The following CRB1 variants were observed in gnomAD, a reference collection of about 807,000 sequenced individuals.
CRB1 encodes the protein crumbs cell polarity complex component 1.
A neutral mutation model predicts 120.0 loss-of-function variants in CRB1; 83 were observed. The observed-to-expected ratio is 0.69, with a 90% CI of 0.58 to 0.83. The LOEUF is 0.83. Ranked by LOEUF, CRB1 falls within the 40% of genes least tolerant of loss-of-function variation. The probability of loss-of-function intolerance (pLI) is 0.00; values close to 1 mark genes in which losing one functional copy is unlikely to be tolerated. For missense variants in CRB1, 1,699 were observed against 1,687.6 expected (o/e 1.01, Z -0.12); for synonymous variants, 625 against 612.5 (o/e 1.02, Z -0.30).
chr1:197,203,147 T>C, the CRB1 span, among the ~76,000 whole-genome samples: 7 of 152,150 alleles, frequency 4.6e-5, no homozygotes, highest in African/African-American at 1.7e-4. Flanking sequence ...GAAAAATATT[T>C]GATAAATTTA....
chr1:197,451,831 A>G (rs1281091946), intron 11 of CRB1, among the ~76,000 whole-genome samples: 1 of 152,210 alleles, frequency 6.6e-6, no homozygotes, highest in Non-Finnish European at 1.5e-5. Flanking sequence ...ATTCCATTAT[A>G]AATTGTAGGA....
chr1:197,408,876 A>C (rs1663552259), intron 5 of CRB1, among the ~76,000 whole-genome samples: 1 of 152,222 alleles, frequency 6.6e-6, no homozygotes, highest in Non-Finnish European at 1.5e-5. Flanking sequence ...TGTACTTTCT[A>C]CTTGTTAGTC....
chr1:197,354,516 G>C (rs1193092841), intron 4 of CRB1, among the ~76,000 whole-genome samples: 1 of 152,116 alleles, frequency 6.6e-6, no homozygotes, highest in Non-Finnish European at 1.5e-5. Context: ...CTGGCTTCAA[G>C]AGTGAAGCCG....
chr1:197,453,909 ATATATTATTGATATTAT>A (rs1666139156), intron 11 of CRB1, among the ~76,000 whole-genome samples: 1 of 35,606 alleles, frequency 2.8e-5, no homozygotes, highest in Non-Finnish European at 6.0e-5. Flanking sequence ...TATTATTAAT[ATATATTATTGATATTAT>A]TATATTATTA....
chr1:197,232,084 A>T, the CRB1 span, among the ~76,000 whole-genome samples: 1 of 152,174 alleles, frequency 6.6e-6, no homozygotes, highest in South Asian at 2.1e-4. Flanking sequence ...ATGCAATGTG[A>T]CAATGGAAGT....
At chr1:197,296,956 C>CA (rs1656561845) in intron 1 of CRB1, among the ~76,000 whole-genome samples, 1 of 152,018 alleles carries the variant, frequency 6.6e-6, no homozygotes, top group African/African-American at 2.4e-5. Flanking sequence ...ATAAATTACC[C>CA]AGTCTCAGTT....
chr1:197,421,868 T>C lies in CRB1; in HGVS notation c.2040T>C (p.Pro680=), dbSNP rs756400739. 33 of 1,614,128 alleles carry C rather than the reference T, an allele frequency of 2.0e-5. No individual in the cohort carries two copies. Among genetic ancestry groups the C allele is most frequent in the Non-Finnish European group, 2.7e-5 (32 of 1,180,052 alleles). ...CVRKDWCESQ[P]CQSRGRCINL... is the part of the protein sequence containing the mutation. ...GAAAGGATTGGTGTGAAAGCCAACC[T>C]TGTCAAAGCAGAGGACGCTGCATCA... The change falls in exon 6 of 12, where the codon CCT becomes CCC. Residue 680 remains proline (P), a synonymous_variant. Transcript: ENST00000367400.
At chr1:197,240,329 A>T in the CRB1 span, among the ~76,000 whole-genome samples, 1 of 152,216 alleles carries the variant, frequency 6.6e-6, no homozygotes, top group South Asian at 2.1e-4. Flanking sequence ...TCAACCCGTC[A>T]TCTACGTTAG....
rs754341761 is a variant in CRB1 at position 197,329,015 on chromosome 1, C to A, written c.652+12C>A. On this transcript the variant is annotated intron_variant, in intron 2 of 11. Coordinates refer to ENST00000367400, the MANE Select transcript of CRB1 (RefSeq NM_201253.3). ...CCACAATTATTCTGGTAAGTGTGAT[C>A]ATATCTGAATCACAGATGGTGTAGT... 49 of 1,588,420 alleles carry A rather than the reference C, an allele frequency of 3.1e-5. No individual in the cohort carries two copies. The South Asian group carries it at 5.3e-4, about 17-fold the overall frequency.
At chr1:197,295,840 A>G (rs1656485856) in intron 1 of CRB1, among the ~76,000 whole-genome samples, 1 of 152,024 alleles carries the variant, frequency 6.6e-6, no homozygotes, top group African/African-American at 2.4e-5. Context: ...GGATGATCCT[A>G]ATAAAGTATT....
rs909469152 is a variant in CRB1, at chr1:197,369,279, T to C, written c.1171+12266T>C. Among the ~76,000 whole-genome samples the C allele has an allele frequency of 2.6e-5, 4 of 152,156 alleles. No homozygotes were observed. The South Asian group carries it at 8.3e-4, about 32-fold the overall frequency. On this transcript the variant is annotated intron_variant, in intron 5 of 11. Coordinates refer to ENST00000367400, the MANE Select transcript of CRB1 (RefSeq NM_201253.3). ...TTATAGCTCTTTTCCCAATGTCTAC[T>C]ACTTAGTTTGTTGAGAGAGTCTGTC...
the CRB1 span, chr1:197,222,756 T>C: frequency 1.9e-6 from 2 of 1,043,628 alleles, no homozygotes; most frequent in Middle Eastern, 2.3e-4. Flanking sequence ...TGACTTGCTC[T>C]TTCTTTCTGA....
intron 5 of CRB1, among the ~76,000 whole-genome samples, chr1:197,383,465 C>T (rs538806944): frequency 7.9e-4 from 121 of 152,288 alleles, no homozygotes; most frequent in Non-Finnish European, 1.3e-3. Flanking sequence ...TAAGGAGCTG[C>T]TACATACACG....
At chr1:197,268,731 T>G (rs1244740093) in intron 1 of CRB1, among the ~76,000 whole-genome samples, 1 of 152,178 alleles carries the variant, frequency 6.6e-6, no homozygotes, top group Non-Finnish European at 1.5e-5. Flanking sequence ...ACCTTTGTAG[T>G]AGTGAGCTGG....
intron 5 of CRB1, among the ~76,000 whole-genome samples, chr1:197,405,310 G>C (rs1037562480): frequency 6.6e-6 from 1 of 152,114 alleles, no homozygotes; most frequent in African/African-American, 2.4e-5. Context: ...GCTCCTAACC[G>C]CGAGTGATCC....
chr1:197,439,580 A>G (rs915194397), intron 10 of CRB1: 2 of 152,176 alleles, frequency 1.3e-5, no homozygotes, highest in African/African-American at 4.8e-5. Flanking sequence ...CTGTATGAAT[A>G]AATCTTTGCT....
chr1:197,264,879 C>G (rs907433267), upstream of CRB1, among the ~76,000 whole-genome samples: 3 of 152,000 alleles, frequency 2.0e-5, no homozygotes, highest in African/African-American at 7.2e-5. Flanking sequence ...CCCGCCTCAG[C>G]CTCCCAGAGT....
intron 11 of CRB1, among the ~76,000 whole-genome samples, chr1:197,473,258 C>A (rs2125566048): frequency 6.6e-6 from 1 of 152,236 alleles, no homozygotes; most frequent in South Asian, 2.1e-4. Context: ...TTTCCAGTTC[C>A]CCTTCAGAAG....
chr1:197,357,868 C>T (rs1402188578), intron 5 of CRB1: 5 of 151,550 alleles, frequency 3.3e-5, no homozygotes, highest in Admixed American at 3.3e-4. Flanking sequence ...GCTGCAAGGT[C>T]GATAAAAAAA....
Sources: gnomAD v4.1 joint callset for allele counts (sites outside exome capture counted in the v4.1 genomes callset) on GRCh38, gnomAD v4.1.1 for gene constraint, MANE v1.5 for transcripts, NCBI Gene and HGNC (gene_info 2026-07-23, HGNC 2026-07-21) for gene names.